Variants in CENPE observed in about 807,000 individuals in gnomAD.
CENPE encodes the protein centromere protein E.
In CENPE, 145 loss-of-function variants were observed where a neutral mutation model predicts 336.1. That is an observed-to-expected ratio of 0.43 (90% CI 0.38 to 0.50). CENPE has a LOEUF of 0.50. Ranked by LOEUF, CENPE falls within the 20% of genes least tolerant of loss-of-function variation. The pLI is 0.00. For missense variants in CENPE, 2,719 were observed against 3,023.3 expected (o/e 0.90, Z 2.36); for synonymous variants, 1,013 against 984.8 (o/e 1.03, Z -0.54).
intron 46 of CENPE, among the ~76,000 whole-genome samples, chr4:103,113,570 T>TC (rs1382820448): frequency 7.0e-6 from 1 of 142,218 alleles, no homozygotes; most frequent in Non-Finnish European, 1.5e-5. Context: ...ATAAGTAATA[T>TC]ATATTTTATA....
At chr4:103,183,655 A>G (rs1756507894) in intron 9 of CENPE, among the ~76,000 whole-genome samples, 2 of 152,190 alleles carry the variant, frequency 1.3e-5, no homozygotes, top group East Asian at 1.9e-4. Context: ...TTAGCCTCTA[A>G]TTTCTTATTT....
intron 40 of CENPE, 31 bp downstream of exon 40, chr4:103,136,110 T>C (rs373552729): frequency 1.3e-6 from 2 of 1,546,292 alleles, no homozygotes; most frequent in Non-Finnish European, 1.8e-6. Context: ...AACTGAAATA[T>C]TTAAAAGGAT....
At chr4:103,188,611 C>T (rs1169520822) in intron 8 of CENPE, among the ~76,000 whole-genome samples, 3 of 152,108 alleles carry the variant, frequency 2.0e-5, no homozygotes, top group Non-Finnish European at 4.4e-5. Context: ...AAAGACACAA[C>T]ATACCAGAAT....
intron 38 of CENPE, among the ~76,000 whole-genome samples, chr4:103,138,859 A>C (rs981686175): frequency 6.6e-6 from 1 of 152,134 alleles, no homozygotes; most frequent in African/African-American, 2.4e-5. Context: ...ATAAATAAAT[A>C]AATAAACAAC....
chr4:103,158,093 T>C (rs757456300), intron 24 of CENPE, among the ~76,000 whole-genome samples: 2 of 151,908 alleles, frequency 1.3e-5, no homozygotes, highest in Non-Finnish European at 2.9e-5. Flanking sequence ...GACTAATACA[T>C]TTTTGGGCCC....
intron 42 of CENPE, among the ~76,000 whole-genome samples, chr4:103,126,687 G>A (rs1303696825): frequency 6.6e-6 from 1 of 152,186 alleles, no homozygotes; most frequent in Admixed American, 6.5e-5. Flanking sequence ...GGAAAAAGCA[G>A]ACGACTTGCA....
In CENPE at chr4:103,195,917, T is replaced by C. The variant is rs1757696907; in HGVS notation, c.357+3A>G. ...GTACTAGAAATCCAGTTAAGTTACT[T>C]ACCTTCTTAATTTTTTGGAAAATGT... is the stretch of plus-strand genomic sequence containing the variant. On this transcript the variant is annotated splice_donor_region_variant and intron_variant, in intron 4 of 48. Coordinates refer to ENST00000265148, the MANE Select transcript of CENPE (RefSeq NM_001813.3). 2 of 1,576,216 alleles carry C rather than the reference T, an allele frequency of 1.3e-6. No homozygotes were observed. The highest frequency in any genetic ancestry group is 1.7e-6 in the Non-Finnish European group (2 of 1,145,634).
chr4:103,158,726 A>T lies in CENPE; in HGVS notation c.2762T>A (p.Leu921Ter). ...TTGAGTTAAAGTTTTTACTTCTTCT[A>T]AAGTTTGCTGCAGTTTCTCAGTAAT... is the stretch of plus-strand genomic sequence containing the variant. ...TLITEKLQQT[L>*]EEVKTLTQEK... is the part of the protein sequence containing the mutation. Residue 921 changes from leucine to a stop codon, truncating the protein, a stop_gained, in exon 23 of 49, where the codon TTA becomes TAA. Transcript: ENST00000265148. LOFTEE classifies it high-confidence loss of function. 6.2e-7 allele frequency: 1 copy of T among 1,613,014 alleles called. No individual in the cohort carries two copies. Among genetic ancestry groups the T allele is most frequent in the Non-Finnish European group, 8.5e-7 (1 of 1,179,442 alleles).
At chr4:103,146,415 G>C (rs575116973) in intron 29 of CENPE, among the ~76,000 whole-genome samples, 1 of 152,318 alleles carries the variant, frequency 6.6e-6, no homozygotes, top group Admixed American at 6.5e-5. Context: ...ACCAAATAGA[G>C]ATGCTGGCTT....
chr4:103,116,524 T>C (rs866490751), intron 45 of CENPE, 53 bp downstream of exon 45: 1 of 839,792 alleles, frequency 1.2e-6, no homozygotes, highest in African/African-American at 1.7e-5. Flanking sequence ...ATATGTAGTT[T>C]AGGAAGAAAA....
At chr4:103,189,148 A>G (rs1757068322) in intron 8 of CENPE, among the ~76,000 whole-genome samples, 1 of 152,214 alleles carries the variant, frequency 6.6e-6, no homozygotes. Flanking sequence ...GGCAATAATT[A>G]ACAGCCTACC....
chr4:103,139,823 T>A lies in CENPE; in HGVS notation c.6170A>T (p.Gln2057Leu). ...CATTTCCCTTAAGGTTGCTATGAAT[T>A]GGTCCCTTTCCATTTTGAGAGATTC... The part of the protein sequence containing the change: ...IKESLKMERD[Q>L]FIATLREMIA... Residue 2057 changes from glutamine to leucine, a missense_variant, in exon 38 of 49, where the codon CAA becomes CTA. Transcript: ENST00000265148. 6.2e-7 allele frequency: 1 copy of A among 1,612,146 alleles called. No homozygotes were observed. The highest frequency in any genetic ancestry group is 8.5e-7 in the Non-Finnish European group (1 of 1,179,326).
At chr4:103,133,581 C>A (rs1751801287) in intron 41 of CENPE, 114 bp downstream of exon 41, 1 of 734,740 alleles carries the variant, frequency 1.4e-6, no homozygotes, top group South Asian at 1.7e-5. Context: ...TATCACTCTG[C>A]AACGTATTTT....
At chr4:103,151,160 T>C in intron 26 of CENPE, 59 bp downstream of exon 26, 1 of 1,513,766 alleles carries the variant, frequency 6.6e-7, no homozygotes, top group East Asian at 2.3e-5. Context: ...GAAATAAAAA[T>C]TACCAAAAAA....
intron 8 of CENPE, among the ~76,000 whole-genome samples, chr4:103,189,090 C>A (rs1757064007): frequency 6.6e-6 from 1 of 152,138 alleles, no homozygotes; most frequent in South Asian, 2.1e-4. Flanking sequence ...AAGACTAAAT[C>A]AGGAAGAAGT....
In CENPE at chr4:103,109,092, T is replaced by G; in HGVS notation, c.7725-3A>C. ...CATTGGAAAGATGCTGATTATTGCT[T>G]AAATGTGGGGGAAGAAAAGAGAGAC... On this transcript the variant is annotated splice_region_variant and splice_polypyrimidine_tract_variant and intron_variant, in intron 47 of 48. Coordinates refer to ENST00000265148, the MANE Select transcript of CENPE (RefSeq NM_001813.3). 6.2e-7 allele frequency: 1 copy of G among 1,600,034 alleles called. No homozygotes were observed. The highest frequency in any genetic ancestry group is 8.5e-7 in the Non-Finnish European group (1 of 1,173,674).
Position 103,194,541 on chromosome 4 carries a change from C to A in CENPE, c.559+62G>T, listed in dbSNP as rs543449296. The A allele has an allele frequency of 7.4e-6, 11 of 1,481,416 alleles. No individual in the cohort carries two copies. In the African/African-American group the frequency reaches 9.9e-5, roughly 13 times the overall value. The allele number at this position is 1,481,416 out of a possible 1,614,324, so 91.8% of individuals were successfully genotyped here. On this transcript the variant is annotated intron_variant, in intron 6 of 48. Coordinates refer to ENST00000265148, the MANE Select transcript of CENPE (RefSeq NM_001813.3). ...AAAAAAGTATGATTTGAGGTCCAAA[C>A]GTGCTTGATTGAAAAGATAGTTTTT...
intron 16 of CENPE, among the ~76,000 whole-genome samples, chr4:103,165,070 T>TAGAA (rs1754791047): frequency 2.0e-5 from 3 of 151,934 alleles, no homozygotes; most frequent in African/African-American, 4.8e-5. Flanking sequence ...CTGGTTCTTA[T>TAGAA]GCATAGAAAA....
intron 12 of CENPE, 145 bp downstream of exon 12, chr4:103,181,192 G>A (rs1756298613): frequency 2.3e-6 from 1 of 430,806 alleles, no homozygotes. Context: ...ATTTTTATGA[G>A]TGGATTTCTT....
Sources: allele counts gnomAD v4.1 joint callset (sites outside exome capture counted in the v4.1 genomes callset), GRCh38; gene constraint gnomAD v4.1.1; transcripts MANE v1.5; gene names NCBI Gene and HGNC (gene_info 2026-07-23, HGNC 2026-07-21).